The following RFX8 variants were observed in gnomAD, a reference collection of about 807,000 sequenced individuals.
RFX8 encodes DNA-binding protein RFX8.
In RFX8, 46 loss-of-function variants were observed where a neutral mutation model predicts 54.6. The observed-to-expected ratio is 0.84, with a 90% CI of 0.67 to 1.08. RFX8 has a LOEUF of 1.08. RFX8 is among the 50% of genes least tolerant of loss of function. The probability of loss-of-function intolerance (pLI) is 0.00; values close to 1 mark genes in which losing one functional copy is unlikely to be tolerated. For missense variants in RFX8, 536 were observed against 562.3 expected (o/e 0.95, Z 0.47); for synonymous variants, 192 against 209.5 (o/e 0.92, Z 0.72).
At position 101,469,137 on chromosome 2, in the gene RFX8, AG is replaced by A. The variant is rs1233214848; in HGVS notation, c.-52-2238del. Among the ~76,000 whole-genome samples the A allele has an allele frequency of 9.2e-4, 108 of 116,992 alleles. 3 individuals are homozygous for A. The highest frequency in any genetic ancestry group is 3.3e-3 in the African/African-American group (103 of 31,146). 76.8% of individuals were successfully genotyped at this position (116,992 alleles called of 152,430 possible). A position where few individuals can be genotyped will look rare whatever the true frequency, so the allele number is the denominator to read the frequency against. ...ATATATATATAAGTATATATATATA[AG>A]TATATATATATATATACACACACAC... On this transcript the variant is annotated intron_variant, in intron 1 of 11. Coordinates refer to ENST00000428343, the MANE Select transcript of RFX8 (RefSeq NM_001145664.2).
At chr2:101,459,875 C>T (rs535570162) in intron 2 of RFX8, among the ~76,000 whole-genome samples, 1 of 152,318 alleles carries the variant, frequency 6.6e-6, no homozygotes, top group South Asian at 2.1e-4. Flanking sequence ...GCTTGTTGCA[C>T]TGCAGTGGGC....
chr2:101,438,148 G>C (rs950878431), intron 2 of RFX8, among the ~76,000 whole-genome samples: 13 of 151,904 alleles, frequency 8.6e-5, no homozygotes, highest in African/African-American at 3.1e-4. Context: ...GGGATAAATG[G>C]GGTATCGACC....
intron 2 of RFX8, among the ~76,000 whole-genome samples, chr2:101,437,416 A>G (rs1317807727): frequency 6.6e-6 from 1 of 152,070 alleles, no homozygotes; most frequent in Non-Finnish European, 1.5e-5. Flanking sequence ...CTACAAAAAA[A>G]CAAAACAAAA....
intron 10 of RFX8, among the ~76,000 whole-genome samples, chr2:101,403,630 A>T (rs1685568024): frequency 6.6e-6 from 1 of 152,062 alleles, no homozygotes; most frequent in South Asian, 2.1e-4. Flanking sequence ...ACTAAAAAAT[A>T]CAAAAAATTA....
At chr2:101,425,835 C>T (rs181003172) in intron 2 of RFX8, among the ~76,000 whole-genome samples, 11 of 152,230 alleles carry the variant, frequency 7.2e-5, no homozygotes, top group East Asian at 3.9e-4. Context: ...GCAGGAGATT[C>T]GCTACAGCAG....
At chr2:101,419,624 T>A (rs1185734978) in intron 4 of RFX8, among the ~76,000 whole-genome samples, 2 of 152,202 alleles carry the variant, frequency 1.3e-5, no homozygotes, top group African/African-American at 2.4e-5. Context: ...TTCCACAGGC[T>A]CAGATACTGT....
chr2:101,410,198 C>T (rs1278095616), intron 9 of RFX8, among the ~76,000 whole-genome samples: 1 of 151,900 alleles, frequency 6.6e-6, no homozygotes, highest in Non-Finnish European at 1.5e-5. Context: ...CACACATGCT[C>T]ACCTGTACAC....
chr2:101,444,028 A>T (rs1204535781), intron 2 of RFX8, among the ~76,000 whole-genome samples: 1 of 152,130 alleles, frequency 6.6e-6, no homozygotes, highest in Non-Finnish European at 1.5e-5. Flanking sequence ...ACCTGCATGC[A>T]CAGTAGTGAA....
intron 1 of RFX8, among the ~76,000 whole-genome samples, chr2:101,472,327 C>T (rs1298928519): frequency 6.6e-6 from 1 of 152,150 alleles, no homozygotes; most frequent in Non-Finnish European, 1.5e-5. Context: ...GTCTCAAACT[C>T]CTGAGCTCAA....
intron 6 of RFX8, 51 bp from the exon 7 acceptor site, chr2:101,414,963 T>G: frequency 7.2e-7 from 1 of 1,391,072 alleles, no homozygotes; most frequent in Non-Finnish European, 9.9e-7. Flanking sequence ...CAAGTTCTCA[T>G]GTGGGCAGTG....
rs1341020688 is a variant in RFX8 at position 101,413,070 on chromosome 2, G to T, written c.563C>A (p.Thr188Asn). Reference sequence around the variant, plus strand: ...CTTACTTTTCAATACCATTCGCATAGTCTAAAGATAACAGGGAGGCATAAT... The same window carrying T: ...CTTACTTTTCAATACCATTCGCATATTCTAAAGATAACAGGGAGGCATAAT... Reference protein sequence around the residue: ...RKTYLSNMAKTMRMVLKSKRR... With the variant: ...RKTYLSNMAKNMRMVLKSKRR... Residue 188 changes from threonine to asparagine, a missense_variant and splice_region_variant, in exon 8 of 12, where the codon ACT becomes AAT. By Grantham distance (65) the Thr-to-Asn change is moderately conservative. Coordinates refer to ENST00000428343, the MANE Select transcript of RFX8 (RefSeq NM_001145664.2). The T allele has an allele frequency of 6.4e-7, 1 of 1,551,156 alleles. No individual in the cohort carries two copies.
In RFX8 at chr2:101,463,620, A is replaced by G. The variant is rs188585214; in HGVS notation, c.72+3157T>C. Among the ~76,000 whole-genome samples the G allele has an allele frequency of 2.7e-3, 406 of 152,336 alleles. 9 individuals carry two copies. The East Asian group carries it at 0.055, about 21-fold the overall frequency. On this transcript the variant is annotated intron_variant, in intron 2 of 11. Transcript: ENST00000428343. ...GGCAGGCAGCACGTGACCACTGAAAAGGGTGTTTCACCAAGCCTGGGGATG... is the reference window on the plus strand; with the variant it reads ...GGCAGGCAGCACGTGACCACTGAAAGGGGTGTTTCACCAAGCCTGGGGATG...
At chr2:101,451,233 A>G (rs1688661933) in intron 2 of RFX8, among the ~76,000 whole-genome samples, 1 of 152,094 alleles carries the variant, frequency 6.6e-6, no homozygotes, top group Non-Finnish European at 1.5e-5. Context: ...CACTGTCTTC[A>G]ATTCCTTGGT....
chr2:101,465,544 A>C (rs74263251), intron 2 of RFX8, among the ~76,000 whole-genome samples: 8,303 of 152,228 alleles, frequency 0.055, 350 homozygotes, highest in East Asian at 0.2. Flanking sequence ...AAACAAAAAA[A>C]CACAAAAAAC....
chr2:101,438,064 G>A (rs545053264), intron 2 of RFX8, among the ~76,000 whole-genome samples: 2 of 151,858 alleles, frequency 1.3e-5, no homozygotes, highest in Middle Eastern at 3.4e-3. Flanking sequence ...TAATTTTTGT[G>A]GGTACATAGT....
intron 2 of RFX8, 116 bp from the exon 3 acceptor site, chr2:101,422,588 C>T (rs1573395324): frequency 1.6e-6 from 1 of 621,488 alleles, no homozygotes; most frequent in Non-Finnish European, 2.9e-6. Context: ...CTTTTAGCCA[C>T]ACCTCTGCAC....
At chr2:101,449,431 T>C (rs1244552929) in intron 2 of RFX8, among the ~76,000 whole-genome samples, 3 of 152,068 alleles carry the variant, frequency 2.0e-5, no homozygotes, top group Admixed American at 6.6e-5. Context: ...AAAGGAGATA[T>C]GGGTTACCAA....
intron 2 of RFX8, among the ~76,000 whole-genome samples, chr2:101,461,646 G>A (rs1019029754): frequency 1.1e-4 from 16 of 152,102 alleles, no homozygotes; most frequent in Non-Finnish European, 2.1e-4. Flanking sequence ...AGACTATCCT[G>A]TGATTTCATT....
chr2:101,400,634 C>T (rs566440973), intron 11 of RFX8, among the ~76,000 whole-genome samples: 1 of 152,188 alleles, frequency 6.6e-6, no homozygotes, highest in East Asian at 1.9e-4. Context: ...ATAAAGCCTC[C>T]CTTACGGTGC....
Sources: allele counts gnomAD v4.1 joint callset (sites outside exome capture counted in the v4.1 genomes callset), GRCh38; gene constraint gnomAD v4.1.1; transcripts MANE v1.5; gene names NCBI Gene and HGNC (gene_info 2026-07-23, HGNC 2026-07-21).